MIB1: variants seen among roughly 807,000 people sequenced by gnomAD.
MIB1 encodes the protein E3 ubiquitin-protein ligase MIB1.
In MIB1, 278 loss-of-function variants were observed where a neutral mutation model predicts 124.5. The ratio of observed to expected loss-of-function variants is 2.23; its 90% CI spans 2.02 to 2.47. The LOEUF is 2.47. Ranked by LOEUF, MIB1 falls within the 30% of genes most tolerant of loss-of-function variation. The pLI, the probability that MIB1 is intolerant of heterozygous loss-of-function variation, is 0.00. For synonymous variants in MIB1, 446 were observed against 429.4 expected (o/e 1.04, Z -0.48); for missense variants, 957 against 1,254.4 (o/e 0.76, Z 3.58).
At chr18:21,850,812 G>A (rs2042173690) in intron 17 of MIB1, among the ~76,000 whole-genome samples, 1 of 152,120 alleles carries the variant, frequency 6.6e-6, no homozygotes, top group African/African-American at 2.4e-5. Flanking sequence ...ACCTGTTTAC[G>A]AAGTAATAGT....
chr18:21,767,768 C>T (rs578257430), intron 2 of MIB1, among the ~76,000 whole-genome samples: 3 of 152,070 alleles, frequency 2.0e-5, no homozygotes, highest in Non-Finnish European at 4.4e-5. Flanking sequence ...AGGATGGTCT[C>T]GATCTCCTGA....
rs150750021 is a variant in MIB1, at chr18:21,838,324, A to G, written c.1830-41A>G. The G allele has an allele frequency of 4.8e-5, 70 of 1,447,242 alleles. No individual in the cohort carries two copies. In the East Asian group the frequency reaches 1.6e-3, roughly 33 times the overall value. The allele number at this position is 1,447,242 out of a possible 1,614,324, so 89.7% of individuals were successfully genotyped here. A position where few individuals can be genotyped will look rare whatever the true frequency, so the allele number is the denominator to read the frequency against. ...TGCAAACTTTTCTTTTGAGTATATC[A>G]AATTATGCAAATATAGAAATAATGT... is the stretch of plus-strand genomic sequence containing the variant. On this transcript the variant is annotated intron_variant, in intron 12 of 20. Coordinates refer to ENST00000261537, the MANE Select transcript of MIB1 (RefSeq NM_020774.4).
At chr18:21,813,010 G>A (rs967903961) in intron 10 of MIB1, among the ~76,000 whole-genome samples, 9 of 152,022 alleles carry the variant, frequency 5.9e-5, no homozygotes, top group African/African-American at 9.7e-5. Context: ...TCTAGTGTGC[G>A]TGTGTATTTT....
chr18:21,721,246 T>G (rs903283849), intron 1 of MIB1, among the ~76,000 whole-genome samples: 2 of 136,592 alleles, frequency 1.5e-5, no homozygotes, highest in Non-Finnish European at 3.1e-5. Context: ...GATGGTGCGA[T>G]CTTGGCTCAC....
chr18:21,759,711 C>T (rs1434894877), intron 1 of MIB1, among the ~76,000 whole-genome samples: 3 of 152,046 alleles, frequency 2.0e-5, no homozygotes, highest in Non-Finnish European at 2.9e-5. Flanking sequence ...TGCTATTATA[C>T]GAAGTGATAA....
chr18:21,845,652 C>G (rs1053585772), intron 15 of MIB1, among the ~76,000 whole-genome samples: 6 of 152,028 alleles, frequency 3.9e-5, no homozygotes. Context: ...GAGACAGAGT[C>G]TTGCACTGTT....
upstream of MIB1, among the ~76,000 whole-genome samples, chr18:21,738,151 G>A (rs1222840206): frequency 6.6e-6 from 1 of 152,126 alleles, no homozygotes; most frequent in Non-Finnish European, 1.5e-5. Flanking sequence ...TCATTATGAG[G>A]CTAGCTGGTT....
At chr18:21,730,337 C>T (rs764275197) in intron 1 of MIB1, among the ~76,000 whole-genome samples, 1 of 152,150 alleles carries the variant, frequency 6.6e-6, no homozygotes, top group African/African-American at 2.4e-5. Flanking sequence ...GAGGCCGAGG[C>T]GGGTGGATCA....
intron 12 of MIB1, chr18:21,830,839 G>A (rs751600908): frequency 6.6e-6 from 1 of 151,900 alleles, no homozygotes; most frequent in Non-Finnish European, 1.5e-5. Context: ...CAAAAAACAA[G>A]CTTACTTTTC....
intron 7 of MIB1, chr18:21,794,229 T>C (rs2041547634): frequency 1.3e-5 from 2 of 151,748 alleles, no homozygotes; most frequent in Non-Finnish European, 2.9e-5. Context: ...TGTAAGAGAA[T>C]GAAATCAGAA....
At chr18:21,806,687 G>A (rs890162895) in intron 10 of MIB1, among the ~76,000 whole-genome samples, 4 of 151,168 alleles carry the variant, frequency 2.6e-5, no homozygotes, top group East Asian at 3.9e-4. Flanking sequence ...GTAGTAGCGC[G>A]ATCTTGGCTC....
chr18:21,706,533 A>G (rs1294384376), intron 1 of MIB1, among the ~76,000 whole-genome samples: 2 of 152,032 alleles, frequency 1.3e-5, no homozygotes, highest in Non-Finnish European at 2.9e-5. Flanking sequence ...GTGGGCGGGA[A>G]CCGGGGCTGC....
intron 1 of MIB1, among the ~76,000 whole-genome samples, chr18:21,709,889 A>T (rs2040658110): frequency 6.6e-6 from 1 of 152,236 alleles, no homozygotes; most frequent in Non-Finnish European, 1.5e-5. Context: ...CTGCATGTGC[A>T]AGGGTCTGAA....
intron 1 of MIB1, among the ~76,000 whole-genome samples, chr18:21,709,384 T>C (rs1412577758): frequency 6.6e-6 from 1 of 150,832 alleles, no homozygotes; most frequent in Admixed American, 6.6e-5. Flanking sequence ...CTCTCTCGGC[T>C]ACACTGCATG....
chr18:21,831,546 C>T (rs964992556), intron 12 of MIB1: 5 of 152,124 alleles, frequency 3.3e-5, no homozygotes, highest in African/African-American at 1.2e-4. Flanking sequence ...TCTCAGCTGT[C>T]GATTGTCGAT....
At chr18:21,729,427 AC>A (rs1327122863) in intron 1 of MIB1, among the ~76,000 whole-genome samples, 1 of 152,082 alleles carries the variant, frequency 6.6e-6, no homozygotes, top group African/African-American at 2.4e-5. Flanking sequence ...CATAGATGGC[AC>A]CTTTTTGCTG....
chr18:21,757,981 A>G (rs915701458), intron 1 of MIB1, among the ~76,000 whole-genome samples: 2 of 152,138 alleles, frequency 1.3e-5, no homozygotes, highest in Admixed American at 6.5e-5. Flanking sequence ...GAAGTGCTTT[A>G]AGAGGCCATG....
chr18:21,844,168 A>T lies in MIB1; in HGVS notation c.2126A>T (p.His709Leu). 6.2e-7 allele frequency: 1 copy of T among 1,614,170 alleles called. No individual in the cohort carries two copies. Among genetic ancestry groups the T allele is most frequent in the Non-Finnish European group, 8.5e-7 (1 of 1,180,024 alleles). The change falls in exon 15 of 21, where the codon CAT becomes CTT. Residue 709 changes from histidine to leucine, a missense_variant. Physicochemically the swap from His to Leu is moderately conservative, Grantham distance 99. Coordinates refer to ENST00000261537, the MANE Select transcript of MIB1 (RefSeq NM_020774.4). ...GDTPLHEALR[H>L]HTLSQLRQLQ... ...ACTCCTTTGCATGAAGCTCTAAGGC[A>T]TCACACTTTGTCTCAGCTACGTCAG...
At chr18:21,736,345 G>C (rs1022165025), upstream of MIB1, among the ~76,000 whole-genome samples, 1 of 152,090 alleles carries the variant, frequency 6.6e-6, no homozygotes, top group African/African-American at 2.4e-5. Context: ...TCAACAAAAA[G>C]GACGTCATCC....
Sources: gnomAD v4.1 joint callset for allele counts (sites outside exome capture counted in the v4.1 genomes callset) on GRCh38, gnomAD v4.1.1 for gene constraint, MANE v1.5 for transcripts, NCBI Gene and HGNC (gene_info 2026-07-23, HGNC 2026-07-21) for gene names.